ERAP1: variants seen among roughly 807,000 people sequenced by gnomAD.
The protein encoded by ERAP1 is endoplasmic reticulum aminopeptidase 1, also known as adipocyte-derived leucine aminopeptidase.
A neutral mutation model predicts 103.7 loss-of-function variants in ERAP1; 86 were observed. That is an observed-to-expected ratio of 0.83 (90% confidence interval 0.70 to 0.99). The LOEUF is 0.99. Ranked by LOEUF, ERAP1 falls within the 50% of genes least tolerant of loss-of-function variation. The pLI is 0.00. For missense variants in ERAP1, 1,009 were observed against 1,128.4 expected (o/e 0.89, Z 1.52); for synonymous variants, 398 against 402.4 (o/e 0.99, Z 0.13).
the ERAP1 span, among the ~76,000 whole-genome samples, chr5:96,926,625 A>C: frequency 6.6e-6 from 1 of 152,228 alleles, no homozygotes; most frequent in Non-Finnish European, 1.5e-5. Context: ...TTCACCTAAC[A>C]TAATTTTTAA....
chr5:96,840,077 T>C, the ERAP1 span, among the ~76,000 whole-genome samples: 12 of 152,208 alleles, frequency 7.9e-5, no homozygotes, highest in African/African-American at 2.9e-4. Context: ...CATATAATAC[T>C]TTTTCCAATA....
chr5:96,783,353 A>C, intron 14 of ERAP1, 118 bp from the exon 15 acceptor site: 1 of 862,526 alleles, frequency 1.2e-6, no homozygotes. Context: ...TCTAACTTTT[A>C]CTGTATAAAT....
the ERAP1 span, among the ~76,000 whole-genome samples, chr5:96,914,082 T>C: frequency 6.6e-6 from 1 of 152,144 alleles, no homozygotes; most frequent in Admixed American, 6.5e-5. Context: ...TAACCAATAA[T>C]GATTAGATTT....
At chr5:96,918,459 G>T in the ERAP1 span, 1 of 152,184 alleles carries the variant, frequency 6.6e-6, no homozygotes, top group African/African-American at 2.4e-5. Context: ...TATCAAGAAG[G>T]CCAGGAAGGC....
At chr5:96,860,963 C>CTT in the ERAP1 span, among the ~76,000 whole-genome samples, 1 of 144,486 alleles carries the variant, frequency 6.9e-6, no homozygotes. Flanking sequence ...TCTTTTCTTT[C>CTT]TTTTTTTTTT....
the ERAP1 span, among the ~76,000 whole-genome samples, chr5:96,898,980 A>C: frequency 6.6e-6 from 1 of 152,176 alleles, no homozygotes; most frequent in Non-Finnish European, 1.5e-5. Flanking sequence ...ACACGGAAGA[A>C]TCTATCATTT....
At chr5:96,897,846 G>A in the ERAP1 span, among the ~76,000 whole-genome samples, 1 of 152,196 alleles carries the variant, frequency 6.6e-6, no homozygotes, top group Non-Finnish European at 1.5e-5. Context: ...ACAAGCACTT[G>A]TGTCCCAGGG....
chr5:96,850,000 C>T, the ERAP1 span, among the ~76,000 whole-genome samples: 1 of 152,114 alleles, frequency 6.6e-6, no homozygotes, highest in Non-Finnish European at 1.5e-5. Context: ...CAAGAACACA[C>T]AATGAGTGTT....
the ERAP1 span, among the ~76,000 whole-genome samples, chr5:96,849,562 G>T: frequency 1.3e-5 from 2 of 152,042 alleles, no homozygotes; most frequent in Non-Finnish European, 1.5e-5. Flanking sequence ...GGAAGTGAAA[G>T]ATCTGCATAC....
chr5:96,935,070 C>T, the ERAP1 span: 4,902 of 152,502 alleles, frequency 0.032, 149 homozygotes, highest in South Asian at 0.089. Context: ...GAGGCAATGG[C>T]GCGAGTGCTG....
the ERAP1 span, chr5:96,903,545 TG>T: frequency 6.3e-7 from 1 of 1,598,040 alleles, no homozygotes; most frequent in East Asian, 2.2e-5. Context: ...ATTCATGATG[TG>T]TTTCAGCTAG....
intron 2 of ERAP1, 94 bp downstream of exon 2, chr5:96,803,309 C>A (rs1024136075): frequency 3.3e-5 from 45 of 1,360,196 alleles, no homozygotes; most frequent in Non-Finnish European, 4.4e-5. Context: ...AAAAGTTCAA[C>A]AGCAAAGGGA....
At position 96,783,162 on chromosome 5, in the gene ERAP1, C is replaced by T. The variant is rs17482078; in HGVS notation, c.2174G>A (p.Arg725Gln). The T allele has an allele frequency of 0.19, 304,581 of 1,613,990 alleles. 31,360 individuals carry two copies. Among genetic ancestry groups the T allele is most frequent in the Non-Finnish European group, 0.22 (254,100 of 1,179,910 alleles). The change falls in exon 15 of 19, where the codon CGA (arginine) becomes CAA (glutamine). Residue 725 changes from arginine to glutamine, a missense_variant. Physicochemically the swap from Arg to Gln is conservative, Grantham distance 43. Around this residue, in one of 3 missense-constraint regions of ERAP1, gnomAD observed 611 missense variants for 651.7 expected, o/e 0.94. Transcript: ENST00000443439. ...TWTDEGSVSE[R>Q]MLRSQLLLLA... ...GAGTAGTAGTTGACTCCGCAGCATT[C>T]GCTCTGAGACTGAGCCCTCGTCTGT...
the ERAP1 span, among the ~76,000 whole-genome samples, chr5:96,830,519 G>C: frequency 6.6e-6 from 1 of 152,036 alleles, no homozygotes; most frequent in Non-Finnish European, 1.5e-5. Flanking sequence ...TCATATGATT[G>C]GACACTATAG....
chr5:96,899,991 GTTCA>G, the ERAP1 span: 1 of 1,108,456 alleles, frequency 9.0e-7, no homozygotes, highest in South Asian at 1.6e-5. Flanking sequence ...CCATTTTTAT[GTTCA>G]TTATCATGTC....
the ERAP1 span, among the ~76,000 whole-genome samples, chr5:96,864,216 A>G: frequency 1.3e-5 from 2 of 152,202 alleles, no homozygotes; most frequent in Admixed American, 6.5e-5. Flanking sequence ...CTTTCCTTGT[A>G]CTTAGATTTA....
At position 96,775,420 on chromosome 5, in the gene ERAP1, TAAG is replaced by T. The variant is rs1488036432; in HGVS notation, c.*973_*975del. 3.0e-6 allele frequency: 3 copies of T among 985,302 alleles called. No individual in the cohort carries two copies. Among genetic ancestry groups the T allele is most frequent in the African/African-American group, 1.7e-5 (1 of 57,198 alleles). The allele number at this position is 985,302 out of a possible 1,614,324, so 61.0% of individuals were successfully genotyped here. ...GTTAGAAATTGTAAAGTAGGCCAAA[TAAG>T]AAGCAGAGAGAGAAAAAAAATCACC... On this transcript the variant is annotated 3_prime_UTR_variant, in exon 19 of 19. Transcript: ENST00000443439.
chr5:96,780,970 T>G, intron 17 of ERAP1, 88 bp downstream of exon 17: 1 of 1,480,222 alleles, frequency 6.8e-7, no homozygotes, highest in Non-Finnish European at 9.4e-7. Flanking sequence ...ACCTTTAGAC[T>G]GTTACTGTTC....
the ERAP1 span, among the ~76,000 whole-genome samples, chr5:96,817,947 T>C: frequency 6.6e-6 from 1 of 152,222 alleles, no homozygotes; most frequent in Non-Finnish European, 1.5e-5. Flanking sequence ...TGAGAAATTC[T>C]GAAAAGCGTT....
Sources: gnomAD v4.1 joint callset for allele counts (sites outside exome capture counted in the v4.1 genomes callset) on GRCh38, gnomAD v4.1.1 for gene constraint, gnomAD v4.1.1 regional missense constraint, MANE v1.5 for transcripts, NCBI Gene and HGNC (gene_info 2026-07-23, HGNC 2026-07-21) for gene names.